The following VCL variants were observed in gnomAD, a reference collection of about 807,000 sequenced individuals.
The protein encoded by VCL is vinculin.
Under a neutral mutation model 125.7 loss-of-function variants are expected in VCL, and 47 were observed. The ratio of observed to expected loss-of-function variants is 0.37; its 90% confidence interval spans 0.30 to 0.48. VCL has a LOEUF of 0.48. Ranked by LOEUF, VCL falls within the 20% of genes least tolerant of loss-of-function variation. The pLI, the probability that VCL is intolerant of heterozygous loss-of-function variation, is 0.99. For synonymous variants in VCL, 458 were observed against 514.6 expected (o/e 0.89, Z 1.49); for missense variants, 1,069 against 1,455.5 (o/e 0.73, Z 4.32).
intron 6 of VCL, among the ~76,000 whole-genome samples, chr10:74,077,966 A>G (rs1440810274): frequency 2.0e-5 from 3 of 152,164 alleles, no homozygotes; most frequent in Admixed American, 2.0e-4. Context: ...ATCATTAAAA[A>G]TTAGGTTAGC....
intron 1 of VCL, among the ~76,000 whole-genome samples, chr10:74,002,774 C>T (rs1378804361): frequency 1.3e-5 from 2 of 149,238 alleles, no homozygotes; most frequent in African/African-American, 2.5e-5. Flanking sequence ...CCCAGCTACT[C>T]GGGAGGCTGA....
intron 1 of VCL, among the ~76,000 whole-genome samples, chr10:74,012,432 A>C (rs1840452759): frequency 6.6e-6 from 1 of 152,244 alleles, no homozygotes; most frequent in Admixed American, 6.5e-5. Context: ...CCTAAAACAC[A>C]GATGAAATCA....
intron 18 of VCL, among the ~76,000 whole-genome samples, chr10:74,111,187 CCT>C (rs767014257): frequency 1.3e-5 from 2 of 152,102 alleles, no homozygotes; most frequent in Non-Finnish European, 2.9e-5. Flanking sequence ...GTGGGTGTTC[CCT>C]GAGATGGGCG....
intron 1 of VCL, among the ~76,000 whole-genome samples, chr10:74,029,144 C>T (rs1057268036): frequency 6.8e-6 from 1 of 147,434 alleles, no homozygotes; most frequent in African/African-American, 2.5e-5. Context: ...GATGGAGTCT[C>T]GCTCTATCAC....
At chr10:74,034,634 GCCTC>G (rs1284428792) in intron 1 of VCL, among the ~76,000 whole-genome samples, 1 of 152,212 alleles carries the variant, frequency 6.6e-6, no homozygotes. Context: ...CAGACACAGT[GCCTC>G]CCACATGGGA....
intron 2 of VCL, among the ~76,000 whole-genome samples, chr10:74,048,464 C>CAA (rs369346650): frequency 0.014 from 1,618 of 119,170 alleles, 15 homozygotes; most frequent in Admixed American, 0.02. Flanking sequence ...AACTCTGTCT[C>CAA]AAAAAAAAAA....
intron 14 of VCL, among the ~76,000 whole-genome samples, chr10:74,102,049 T>C (rs1342405524): frequency 4.0e-5 from 6 of 151,464 alleles, no homozygotes; most frequent in Admixed American, 2.6e-4. Flanking sequence ...TATTTTTTAG[T>C]AGAGACAGGG....
intron 1 of VCL, among the ~76,000 whole-genome samples, chr10:74,039,079 T>C (rs1213019357): frequency 6.6e-6 from 1 of 151,918 alleles, no homozygotes; most frequent in Non-Finnish European, 1.5e-5. Context: ...GCCCAGCTAA[T>C]TTTTGTATTT....
chr10:74,042,933 T>TA (rs975678305), intron 1 of VCL, 150 bp from the exon 2 acceptor site: 6 of 720,690 alleles, frequency 8.3e-6, no homozygotes, highest in Admixed American at 2.7e-5. Flanking sequence ...TGAGTAATCC[T>TA]AAAAAATTTT....
intron 2 of VCL, among the ~76,000 whole-genome samples, chr10:74,057,309 T>G (rs1841406153): frequency 6.6e-6 from 1 of 152,150 alleles, no homozygotes; most frequent in Non-Finnish European, 1.5e-5. Flanking sequence ...ATAGAGGCAG[T>G]ACTTCCTATT....
chr10:74,082,140 C>T (rs1056771294), intron 6 of VCL, among the ~76,000 whole-genome samples: 1 of 152,164 alleles, frequency 6.6e-6, no homozygotes. Flanking sequence ...CATGTGACAA[C>T]AGGGCTTTTT....
intron 21 of VCL, 76 bp from the exon 22 acceptor site, chr10:74,117,947 T>C (rs1299805870): frequency 6.2e-7 from 1 of 1,604,400 alleles, no homozygotes; most frequent in East Asian, 2.2e-5. Flanking sequence ...TGCATCCCAC[T>C]CCTGGCTGAA....
intron 21 of VCL, among the ~76,000 whole-genome samples, chr10:74,116,911 G>A (rs1448383385): frequency 1.3e-5 from 2 of 152,112 alleles, no homozygotes; most frequent in Middle Eastern, 3.2e-3. Flanking sequence ...TTATGCAGGT[G>A]TGCATTTTTT....
intron 1 of VCL, among the ~76,000 whole-genome samples, chr10:74,020,840 CAAAAAA>C (rs567412270): frequency 2.4e-4 from 16 of 66,738 alleles, no homozygotes; most frequent in African/African-American, 8.8e-4. Context: ...GACCTTGTCT[CAAAAAA>C]AAAAAAAAAA....
chr10:74,053,622 C>G (rs1841345044), intron 2 of VCL, among the ~76,000 whole-genome samples: 1 of 150,190 alleles, frequency 6.7e-6, no homozygotes, highest in African/African-American at 2.4e-5. Flanking sequence ...TTTCTTTTTT[C>G]TTTTTTGAGA....
intron 10 of VCL, among the ~76,000 whole-genome samples, chr10:74,091,272 A>G (rs1264429433): frequency 6.6e-6 from 1 of 152,184 alleles, no homozygotes; most frequent in Non-Finnish European, 1.5e-5. Flanking sequence ...TTTCTTAATG[A>G]TGAAGAGGTA....
chr10:74,115,726 A>C (rs770574535), intron 21 of VCL, among the ~76,000 whole-genome samples: 1 of 152,196 alleles, frequency 6.6e-6, no homozygotes, highest in Non-Finnish European at 1.5e-5. Flanking sequence ...GCCTGTGCTG[A>C]AACTGAAATG....
intron 16 of VCL, among the ~76,000 whole-genome samples, chr10:74,106,298 A>G (rs1257962224): frequency 2.0e-5 from 3 of 152,202 alleles, no homozygotes; most frequent in African/African-American, 4.8e-5. Flanking sequence ...ATGATAACCA[A>G]TTTACCATCC....
chr10:74,004,043 C>T (rs1258591463), intron 1 of VCL, among the ~76,000 whole-genome samples: 1 of 152,104 alleles, frequency 6.6e-6, no homozygotes, highest in Admixed American at 6.6e-5. Flanking sequence ...AAAAGGAGAT[C>T]AGCAGTTAAT....
Sources: gnomAD v4.1 joint callset for allele counts (sites outside exome capture counted in the v4.1 genomes callset) on GRCh38, gnomAD v4.1.1 for gene constraint, MANE v1.5 for transcripts, NCBI Gene and HGNC (gene_info 2026-07-23, HGNC 2026-07-21) for gene names.